Variants in KATNAL1 observed in about 807,000 individuals in gnomAD.
KATNAL1 encodes the protein katanin catalytic subunit A1 like 1.
Under a neutral mutation model 55.2 loss-of-function variants are expected in KATNAL1, and 32 were observed. The ratio of observed to expected loss-of-function variants is 0.58; its 90% CI spans 0.44 to 0.78. KATNAL1 has a LOEUF of 0.78. Ranked by LOEUF, KATNAL1 falls within the 30% of genes least tolerant of loss-of-function variation. The probability of loss-of-function intolerance (pLI) is 0.00; values close to 1 mark genes in which losing one functional copy is unlikely to be tolerated. For missense variants in KATNAL1, 466 were observed against 600.9 expected, an observed-to-expected ratio of 0.78 and a Z score of 2.35; for synonymous variants, 193 against 193.6, an observed-to-expected ratio of 1.00 and a Z score of 0.02.
chr13:30,277,879 A>G (rs1880964308), intron 3 of KATNAL1, among the ~76,000 whole-genome samples: 1 of 143,392 alleles, frequency 7.0e-6, no homozygotes, highest in Non-Finnish European at 1.5e-5. Flanking sequence ...GCTACTTGGG[A>G]GGCTGAGGCA....
intron 9 of KATNAL1, among the ~76,000 whole-genome samples, chr13:30,211,331 T>C (rs1384829669): frequency 6.6e-6 from 1 of 152,228 alleles, no homozygotes; most frequent in East Asian, 1.9e-4. Flanking sequence ...CCCTCAACTT[T>C]TTGAATTGAG....
chr13:30,274,552 T>G (rs1880611569), intron 3 of KATNAL1, among the ~76,000 whole-genome samples: 2 of 152,140 alleles, frequency 1.3e-5, no homozygotes, highest in South Asian at 4.1e-4. Flanking sequence ...ATAAAATAAT[T>G]TCAGGCTTGT....
intron 3 of KATNAL1, among the ~76,000 whole-genome samples, chr13:30,279,170 T>C (rs1273540039): frequency 6.6e-6 from 1 of 152,174 alleles, no homozygotes; most frequent in Non-Finnish European, 1.5e-5. Context: ...TCTAGCATGA[T>C]TAGGGCCTCT....
chr13:30,233,888 GA>G (rs1224833213), intron 6 of KATNAL1, among the ~76,000 whole-genome samples: 1 of 152,164 alleles, frequency 6.6e-6, no homozygotes. Context: ...TGGGAGCTAA[GA>G]AAGGATCTCA....
In KATNAL1 at chr13:30,246,664, T is replaced by C. The variant is rs142054369; in HGVS notation, c.493-5578A>G. Among the ~76,000 whole-genome samples the C allele has an allele frequency of 4.5e-4, 69 of 151,830 alleles. 1 individual carries two copies. The highest frequency in any genetic ancestry group is 1.5e-3 in the African/African-American group (64 of 41,372). ...TCCATCTGACAAAGGGCTAATAATA[T>C]CCACAATCCACAAGGAACTTAAATT... On this transcript the variant is annotated intron_variant, in intron 4 of 10. Transcript: ENST00000380615.
chr13:30,240,413 G>T, intron 6 of KATNAL1, 47 bp downstream of exon 6: 1 of 1,289,948 alleles, frequency 7.8e-7, no homozygotes, highest in Non-Finnish European at 1.1e-6. Flanking sequence ...TTTCATTCCA[G>T]TGCCAAGTAG....
chr13:30,283,545 C>A, intron 2 of KATNAL1, 71 bp downstream of exon 2: 1 of 1,373,642 alleles, frequency 7.3e-7, no homozygotes, highest in South Asian at 1.6e-5. Context: ...ATTAGATTTT[C>A]CAACTCTAAT....
intron 1 of KATNAL1, chr13:30,296,353 C>A: frequency 8.8e-7 from 1 of 1,131,918 alleles, no homozygotes; most frequent in Non-Finnish European, 1.3e-6. Context: ...GCAAGCTGGG[C>A]TGCGAAGTGC....
chr13:30,254,418 T>C (rs1362434249), intron 4 of KATNAL1, among the ~76,000 whole-genome samples: 1 of 152,222 alleles, frequency 6.6e-6, no homozygotes, highest in Non-Finnish European at 1.5e-5. Flanking sequence ...TAATTCATTT[T>C]CAGTGTCCTA....
intron 6 of KATNAL1, among the ~76,000 whole-genome samples, chr13:30,238,761 T>C (rs1876949181): frequency 1.3e-5 from 2 of 152,214 alleles, no homozygotes; most frequent in South Asian, 4.1e-4. Context: ...CCATTTAGGA[T>C]GTCTCATAGC....
intron 3 of KATNAL1, among the ~76,000 whole-genome samples, chr13:30,262,350 G>C (rs1476255826): frequency 1.3e-5 from 2 of 152,056 alleles, no homozygotes; most frequent in East Asian, 1.9e-4. Context: ...CCAGCAGAAG[G>C]CAAGAAATAA....
At chr13:30,237,701 A>C (rs919598049) in intron 6 of KATNAL1, among the ~76,000 whole-genome samples, 2 of 152,146 alleles carry the variant, frequency 1.3e-5, no homozygotes, top group African/African-American at 4.8e-5. Context: ...GTGCATTTCC[A>C]CATTAATATT....
intron 1 of KATNAL1, among the ~76,000 whole-genome samples, chr13:30,290,310 T>C (rs778365825): frequency 2.6e-5 from 4 of 151,674 alleles, no homozygotes; most frequent in Non-Finnish European, 2.9e-5. Flanking sequence ...TCTAGTAGGA[T>C]TGACCAGGAA....
At chr13:30,254,092 G>A (rs1293611617) in intron 4 of KATNAL1, among the ~76,000 whole-genome samples, 1 of 152,148 alleles carries the variant, frequency 6.6e-6, no homozygotes, top group Non-Finnish European at 1.5e-5. Flanking sequence ...ATTCAAGACT[G>A]AAAGTTCCTT....
chr13:30,305,557 A>G (rs1883124987), intron 1 of KATNAL1, among the ~76,000 whole-genome samples: 1 of 152,230 alleles, frequency 6.6e-6, no homozygotes, highest in Admixed American at 6.5e-5. Context: ...ACACGTTACC[A>G]GCTATGATTT....
intron 10 of KATNAL1, 27 bp downstream of exon 10, chr13:30,210,289 T>TA (rs772987395): frequency 1.3e-6 from 2 of 1,570,462 alleles, no homozygotes; most frequent in Non-Finnish European, 1.7e-6. Context: ...AACTAATGTC[T>TA]AAAATCACAG....
At chr13:30,259,954 T>C (rs1879131741) in intron 3 of KATNAL1, among the ~76,000 whole-genome samples, 1 of 152,244 alleles carries the variant, frequency 6.6e-6, no homozygotes, top group Non-Finnish European at 1.5e-5. Context: ...CAGTAACCTC[T>C]ACAGACTTAA....
At chr13:30,249,089 G>T (rs954978682) in intron 4 of KATNAL1, among the ~76,000 whole-genome samples, 1 of 151,798 alleles carries the variant, frequency 6.6e-6, no homozygotes. Context: ...AAAATTAGCC[G>T]GCTGTGGTGG....
At chr13:30,270,194 A>G (rs1303657574) in intron 3 of KATNAL1, among the ~76,000 whole-genome samples, 2 of 113,004 alleles carry the variant, frequency 1.8e-5, no homozygotes, top group African/African-American at 3.1e-5. Context: ...TCGTCCGGGA[A>G]GGAGGTGGGG....
Sources: gnomAD v4.1 joint callset for allele counts (sites outside exome capture counted in the v4.1 genomes callset) on GRCh38, gnomAD v4.1.1 for gene constraint, MANE v1.5 for transcripts, NCBI Gene and HGNC (gene_info 2026-07-23, HGNC 2026-07-21) for gene names.